NCOR2: variants seen among roughly 807,000 people sequenced by gnomAD.
The protein encoded by NCOR2 is nuclear receptor corepressor 2.
Under a neutral mutation model 262.9 loss-of-function variants are expected in NCOR2, and 81 were observed. That is an observed-to-expected ratio of 0.31 (90% CI 0.26 to 0.37). NCOR2 has a LOEUF of 0.37. Among genes scored for constraint, NCOR2 ranks in the 10% least tolerant of loss-of-function variants. The pLI is 1.00. For synonymous variants in NCOR2, 1,659 were observed against 1,559.3 expected, an observed-to-expected ratio of 1.06 and a Z score of -1.51; for missense variants, 3,385 against 3,621.4, an observed-to-expected ratio of 0.93 and a Z score of 1.68.
chr12:124,530,984 C>T (rs554799562), intron 1 of NCOR2, among the ~76,000 whole-genome samples: 14 of 152,242 alleles, frequency 9.2e-5, no homozygotes, highest in East Asian at 5.8e-4. Flanking sequence ...CCCCAGGCCC[C>T]GAGGACTCAG....
chr12:124,421,645 C>A (rs2043208569), intron 12 of NCOR2, among the ~76,000 whole-genome samples: 1 of 152,254 alleles, frequency 6.6e-6, no homozygotes, highest in South Asian at 2.1e-4. Flanking sequence ...GGGTGTCCAC[C>A]AAGCTGGGGT....
chr12:124,331,705 A>C (rs900297802), intron 43 of NCOR2: 21 of 155,376 alleles, frequency 1.4e-4, no homozygotes, highest in African/African-American at 4.8e-4. Flanking sequence ...TCATCCTCCC[A>C]AAGTGCTGGG....
At chr12:124,392,100 G>C (rs769998724) in intron 16 of NCOR2, among the ~76,000 whole-genome samples, 1 of 152,226 alleles carries the variant, frequency 6.6e-6, no homozygotes, top group Non-Finnish European at 1.5e-5. Context: ...GCCACGCCAC[G>C]TGACGACAGG....
chr12:124,408,743 C>T lies in NCOR2; in HGVS notation c.1483-6182G>A, dbSNP rs2042409563. On this transcript the variant is annotated intron_variant, in intron 13 of 46. Coordinates refer to ENST00000405201, the Ensembl canonical transcript of NCOR2. ...TAGCCTGGGTGACAGAGCGAGACTCCATCTCTAAAAAAATAATAAATTTTT... is the reference window on the plus strand; with the variant it reads ...TAGCCTGGGTGACAGAGCGAGACTCTATCTCTAAAAAAATAATAAATTTTT... Among the ~76,000 whole-genome samples the T allele has an allele frequency of 3.3e-5, 5 of 152,236 alleles. No homozygotes were observed. The South Asian group carries it at 8.3e-4, about 25-fold the overall frequency.
intron 20 of NCOR2, among the ~76,000 whole-genome samples, chr12:124,369,560 C>T (rs1367847243): frequency 3.3e-5 from 5 of 152,078 alleles, no homozygotes; most frequent in Admixed American, 6.5e-5. Context: ...AGCGTCCGCC[C>T]GGCCCTGCGC....
intron 1 of NCOR2, among the ~76,000 whole-genome samples, chr12:124,532,470 C>T (rs2050857104): frequency 6.6e-6 from 1 of 152,244 alleles, no homozygotes; most frequent in African/African-American, 2.4e-5. Context: ...GCTGAGGAGC[C>T]ACTTGGGTCC....
At chr12:124,544,635 C>A (rs1400749498) in intron 1 of NCOR2, among the ~76,000 whole-genome samples, 1 of 152,210 alleles carries the variant, frequency 6.6e-6, no homozygotes, top group East Asian at 1.9e-4. Flanking sequence ...TGCCTCCACA[C>A]CCGCCCGGGC....
chr12:124,344,757 C>G (rs551690182), exon 32 of NCOR2: 165 of 1,548,622 alleles, frequency 1.1e-4, no homozygotes, highest in Non-Finnish European at 1.4e-4. Context: ...TGGAGCCCCC[C>G]GAGCTGCTGG....
Position 124,340,213 on chromosome 12 carries a change from A to G in NCOR2, c.5489-9T>C, listed in dbSNP as rs2135816197. 1 of 1,600,862 alleles carries G rather than the reference A, an allele frequency of 6.2e-7. No homozygotes were observed. The highest frequency in any genetic ancestry group is 1.7e-5 in the Admixed American group (1 of 59,570). ...GCTGCTCTGCTCTGTACCTGGTGAC[A>G]GTCAGTGGCATCAGCAGGGGGAGGC... On this transcript the variant is annotated splice_polypyrimidine_tract_variant and intron_variant, in intron 36 of 46. Transcript: ENST00000405201.
chr12:124,443,320 C>T lies in NCOR2; in HGVS notation c.816-5324G>A, dbSNP rs939220537. 1.3e-5 allele frequency among the ~76,000 whole-genome samples: 2 copies of T among 152,104 alleles called. No individual in the cohort carries two copies. Among genetic ancestry groups the T allele is most frequent in the African/African-American group, 4.8e-5 (2 of 41,408 alleles). Reference sequence around the variant, plus strand: ...GGGTGTGAATCCACCCTGGCTGATCCAGGTTTCCTCCCAAAGCAAGGACAC... The same window carrying T: ...GGGTGTGAATCCACCCTGGCTGATCTAGGTTTCCTCCCAAAGCAAGGACAC... On this transcript the variant is annotated intron_variant, in intron 7 of 46. Coordinates refer to ENST00000405201, the Ensembl canonical transcript of NCOR2. The surrounding 1 kb of genome is among the most constrained non-coding windows in gnomAD (Gnocchi z 4.4).
At position 124,503,671 on chromosome 12, in the gene NCOR2, A is replaced by ATGGATGGATGG. The variant is rs2048884320; in HGVS notation, c.-117-8304_-117-8303insCCATCCATCCA. Among the ~76,000 whole-genome samples the ATGGATGGATGG allele has an allele frequency of 2.5e-5, 3 of 122,224 alleles. No homozygotes were observed. Among genetic ancestry groups the ATGGATGGATGG allele is most frequent in the African/African-American group, 8.9e-5 (3 of 33,520 alleles). The allele number at this position is 122,224 out of a possible 152,430, so 80.2% of individuals were successfully genotyped here. ...GGATGGATGGATGGATGGACGGGTG[A>ATGGATGGATGG]ATGGATGGATGGATGGATGGATGGA... On this transcript the variant is annotated intron_variant, in intron 1 of 46. Coordinates refer to the NCOR2 transcript ENST00000404621. The surrounding 1 kb of genome is among the most constrained non-coding windows in gnomAD (Gnocchi z 4.3).
chr12:124,473,520 T>C (rs2046934380), intron 3 of NCOR2, among the ~76,000 whole-genome samples: 1 of 152,194 alleles, frequency 6.6e-6, no homozygotes, highest in South Asian at 2.1e-4. Context: ...AGCCTGCAGA[T>C]GGCCTGTTGT....
intron 13 of NCOR2, among the ~76,000 whole-genome samples, chr12:124,416,206 C>A (rs2136271527): frequency 6.6e-6 from 1 of 151,932 alleles, no homozygotes; most frequent in East Asian, 1.9e-4. Flanking sequence ...ATCGAGTTTG[C>A]ACTTCTATTT....
At chr12:124,452,390 G>A (rs964245346) in intron 6 of NCOR2, among the ~76,000 whole-genome samples, 4 of 152,210 alleles carry the variant, frequency 2.6e-5, no homozygotes, top group Non-Finnish European at 5.9e-5. Context: ...TTTGGAAACA[G>A]ATAGGCCCCA....
chr12:124,437,880 T>C, intron 8 of NCOR2, 50 bp downstream of exon 10: 6 of 1,565,494 alleles, frequency 3.8e-6, no homozygotes, highest in Non-Finnish European at 5.2e-6. Context: ...GTGCGCTCGA[T>C]TCTCCCCAGA....
At chr12:124,429,519 C>A in intron 10 of NCOR2, 94 bp downstream of exon 12, 1 of 1,371,302 alleles carries the variant, frequency 7.3e-7, no homozygotes, top group South Asian at 1.3e-5. Context: ...TCGACGTAAA[C>A]CACCCGGGAG....
rs559084581 is a variant in NCOR2 at position 124,378,941 on chromosome 12, G to A, written c.2020-557C>T. ...TCCTGCCCTTGGAGGCTGCCCTGCC[G>A]CTGGGGAGACTGGCAACGTGCTCCT... is the stretch of plus-strand genomic sequence containing the variant. On this transcript the variant is annotated intron_variant, in intron 17 of 46. Transcript: ENST00000405201. The surrounding 1 kb of genome is among the most constrained non-coding windows in gnomAD (Gnocchi z 4.2). Among the ~76,000 whole-genome samples, 7 of 152,382 alleles carry A rather than the reference G, an allele frequency of 4.6e-5. No homozygotes were observed. The highest frequency in any genetic ancestry group is 4.1e-4 in the South Asian group (2 of 4,830).
intron 1 of NCOR2, among the ~76,000 whole-genome samples, chr12:124,518,652 A>G (rs1346895735): frequency 6.6e-6 from 1 of 152,278 alleles, no homozygotes; most frequent in Non-Finnish European, 1.5e-5. Flanking sequence ...CAGCCTTGGC[A>G]GTAAGTAATA....
chr12:124,510,936 G>A (rs2049361905), intron 1 of NCOR2, among the ~76,000 whole-genome samples: 1 of 152,156 alleles, frequency 6.6e-6, no homozygotes, highest in South Asian at 2.1e-4. Context: ...ACTCCAACCT[G>A]TGCTGCTGCA....
Sources: allele counts gnomAD v4.1 joint callset (sites outside exome capture counted in the v4.1 genomes callset), GRCh38; gene constraint gnomAD v4.1.1; non-coding constraint Gnocchi (gnomAD v3.1); transcripts MANE v1.5; gene names NCBI Gene and HGNC (gene_info 2026-07-23, HGNC 2026-07-21).